The following NRG2 variants were observed in gnomAD, a reference collection of about 807,000 sequenced individuals.
The protein encoded by NRG2 is pro-neuregulin-2, membrane-bound isoform.
NRG2 carries 27 observed loss-of-function variants against 73.9 expected under a neutral mutation model. The observed-to-expected ratio is 0.37, with a 90% CI of 0.27 to 0.50. The LOEUF is 0.50. Among genes scored for constraint, NRG2 ranks in the 20% least tolerant of loss-of-function variants. The pLI is 0.96. For synonymous variants in NRG2, 532 were observed against 541.0 expected, an observed-to-expected ratio of 0.98 and a Z score of 0.23; for missense variants, 1,126 against 1,210.1, an observed-to-expected ratio of 0.93 and a Z score of 1.03.
At chr5:140,029,633 A>T (rs1359117885) in intron 1 of NRG2, among the ~76,000 whole-genome samples, 1 of 147,856 alleles carries the variant, frequency 6.8e-6, no homozygotes. Context: ...GGTTGCAGTG[A>T]GCTGAGATCG....
intron 1 of NRG2, among the ~76,000 whole-genome samples, chr5:139,888,048 G>C (rs1030108345): frequency 1.3e-5 from 2 of 151,914 alleles, no homozygotes; most frequent in African/African-American, 4.8e-5. Flanking sequence ...TTCTATTTCC[G>C]CATGCCCCAG....
At chr5:139,941,935 G>T (rs1039670680) in intron 1 of NRG2, among the ~76,000 whole-genome samples, 1 of 152,066 alleles carries the variant, frequency 6.6e-6, no homozygotes, top group Non-Finnish European at 1.5e-5. Flanking sequence ...TTATTTTACC[G>T]CCATATAAAT....
At chr5:139,871,407 C>T (rs1167750805) in intron 4 of NRG2, among the ~76,000 whole-genome samples, 1 of 152,068 alleles carries the variant, frequency 6.6e-6, no homozygotes, top group Non-Finnish European at 1.5e-5. Context: ...GAAAGAGAAA[C>T]CCAGTGCCCA....
intron 1 of NRG2, among the ~76,000 whole-genome samples, chr5:139,920,976 A>G (rs145168505): frequency 2.0e-5 from 3 of 152,390 alleles, no homozygotes; most frequent in African/African-American, 7.2e-5. Flanking sequence ...TGAAATTTGA[A>G]ATGTAAAACA....
chr5:139,996,052 T>C (rs551732938), intron 1 of NRG2, among the ~76,000 whole-genome samples: 1 of 152,120 alleles, frequency 6.6e-6, no homozygotes, highest in Admixed American at 6.5e-5. Flanking sequence ...AGGGAAAACA[T>C]CAGAAAGTTA....
chr5:139,877,330 G>T (rs1581839391), intron 3 of NRG2, among the ~76,000 whole-genome samples: 3 of 152,228 alleles, frequency 2.0e-5, no homozygotes, highest in African/African-American at 7.2e-5. Flanking sequence ...CCTGAACAGA[G>T]CAGTAGCCAC....
chr5:139,990,882 G>T, intron 1 of NRG2, among the ~76,000 whole-genome samples: 1 of 152,136 alleles, frequency 6.6e-6, no homozygotes, highest in East Asian at 1.9e-4. Flanking sequence ...TGTTTTTTGC[G>T]TATCCTTAAC....
chr5:139,879,983 A>C (rs1763424083), intron 3 of NRG2, among the ~76,000 whole-genome samples: 1 of 152,154 alleles, frequency 6.6e-6, no homozygotes, highest in African/African-American at 2.4e-5. Context: ...GGTTTAGGGC[A>C]TATTGGGAGG....
At chr5:139,939,204 T>TTTCCTTCC (rs199952110) in intron 1 of NRG2, among the ~76,000 whole-genome samples, 1,694 of 133,930 alleles carry the variant, frequency 0.013, 17 homozygotes, top group African/African-American at 0.015. Context: ...CAAAGATTTC[T>TTTCCTTCC]TTCCTTCCTT....
At chr5:139,861,428 C>A (rs1005289693) in intron 5 of NRG2, among the ~76,000 whole-genome samples, 2 of 152,168 alleles carry the variant, frequency 1.3e-5, no homozygotes, top group African/African-American at 4.8e-5. Flanking sequence ...TGGAAAAGGG[C>A]GGGAGAGCAG....
At chr5:139,958,336 A>G (rs953455361) in intron 1 of NRG2, among the ~76,000 whole-genome samples, 7 of 152,108 alleles carry the variant, frequency 4.6e-5, no homozygotes, top group African/African-American at 1.7e-4. Flanking sequence ...AACAGGAAAA[A>G]ATGGCGAGCT....
chr5:140,014,130 T>C (rs556039235), intron 1 of NRG2, among the ~76,000 whole-genome samples: 1 of 152,226 alleles, frequency 6.6e-6, no homozygotes, highest in African/African-American at 2.4e-5. Context: ...ATCCACACTA[T>C]CCAAAACCAA....
At chr5:139,946,265 A>G (rs1159430750) in intron 1 of NRG2, among the ~76,000 whole-genome samples, 2 of 152,144 alleles carry the variant, frequency 1.3e-5, no homozygotes, top group South Asian at 2.1e-4. Flanking sequence ...AAGGACAGAA[A>G]CAGATCAATA....
intron 1 of NRG2, among the ~76,000 whole-genome samples, chr5:139,957,292 C>T (rs1035543414): frequency 1.3e-5 from 2 of 150,050 alleles, no homozygotes; most frequent in African/African-American, 4.9e-5. Flanking sequence ...TCACCATCCC[C>T]CCACTCAAGA....
At chr5:140,030,485 A>G (rs1051174824) in intron 1 of NRG2, among the ~76,000 whole-genome samples, 3 of 152,250 alleles carry the variant, frequency 2.0e-5, no homozygotes, top group Non-Finnish European at 2.9e-5. Context: ...GTCTGTGGGC[A>G]TAGGTGAAGC....
Position 139,904,386 on chromosome 5 carries a change from G to A in NRG2, c.701-16875C>T, listed in dbSNP as rs767046469. 12 of 1,569,026 alleles carry A rather than the reference G, an allele frequency of 7.6e-6. No individual in the cohort carries two copies. The highest frequency in any genetic ancestry group is 2.7e-5 in the African/African-American group (2 of 73,002). On this transcript the variant is annotated intron_variant, in intron 1 of 9. Coordinates refer to ENST00000361474, the MANE Select transcript of NRG2 (RefSeq NM_004883.3). The surrounding 1 kb of genome is among the most constrained non-coding windows in gnomAD (Gnocchi z 6.0). The stretch of plus-strand genomic sequence containing the variant: ...TGCCGCGGCCGCGGCCCCTCCTCCT[G>A]GACTCCGACATTCTGCACGGGGTCC...
rs144136687 is a variant in NRG2 at position 139,860,027 on chromosome 5, C to T, written c.1190-4249G>A. 1.1e-3 allele frequency: 1,203 copies of T among 1,051,836 alleles called. 8 individuals are homozygous for T. In the African/African-American group the frequency reaches 0.017, roughly 15 times the overall value. The allele number at this position is 1,051,836 out of a possible 1,614,324, so 65.2% of individuals were successfully genotyped here. A position where few individuals can be genotyped will look rare whatever the true frequency, so the allele number is the denominator to read the frequency against. ...ACGTTGGTCAGGACTCCTCAGACAC[C>T]GGGCAGCCATCCTGCGAGGTGAAAG... On this transcript the variant is annotated intron_variant, in intron 5 of 9. Transcript: ENST00000361474.
intron 1 of NRG2, among the ~76,000 whole-genome samples, chr5:139,965,508 G>C (rs1019174863): frequency 7.2e-5 from 11 of 152,238 alleles, no homozygotes; most frequent in Non-Finnish European, 1.0e-4. Flanking sequence ...CTGCCAGCAG[G>C]AGGCCGTGGC....
intron 1 of NRG2, among the ~76,000 whole-genome samples, chr5:139,992,291 T>C (rs1317522368): frequency 1.3e-5 from 2 of 152,258 alleles, no homozygotes; most frequent in Non-Finnish European, 2.9e-5. Flanking sequence ...TAGTTTGCTG[T>C]TGGTATATAG....
Sources: gnomAD v4.1 joint callset for allele counts (sites outside exome capture counted in the v4.1 genomes callset) on GRCh38, gnomAD v4.1.1 for gene constraint, Gnocchi (gnomAD v3.1) non-coding constraint, MANE v1.5 for transcripts, NCBI Gene and HGNC (gene_info 2026-07-23, HGNC 2026-07-21) for gene names.